Variants in CYP19A1 observed in about 807,000 individuals in gnomAD.
The protein encoded by CYP19A1 is aromatase.
In CYP19A1, 32 loss-of-function variants were observed where a neutral mutation model predicts 44.4. The ratio of observed to expected loss-of-function variants is 0.72; its 90% CI spans 0.54 to 0.97. CYP19A1 has a LOEUF of 0.97. CYP19A1 is among the 50% of genes least tolerant of loss of function. The probability of loss-of-function intolerance (pLI) is 0.00; values close to 1 mark genes in which losing one functional copy is unlikely to be tolerated. For synonymous variants in CYP19A1, 212 were observed against 215.6 expected (o/e 0.98, Z 0.14); for missense variants, 598 against 637.8 (o/e 0.94, Z 0.67).
At chr15:51,327,814 A>G (rs150879419) in intron 1 of CYP19A1, among the ~76,000 whole-genome samples, 140 of 152,352 alleles carry the variant, frequency 9.2e-4, no homozygotes, top group African/African-American at 3.2e-3. Context: ...TCCTTTTGTT[A>G]TGCTCAAATG....
intron 1 of CYP19A1, among the ~76,000 whole-genome samples, chr15:51,306,269 A>T (rs1008401745): frequency 2.6e-5 from 4 of 152,354 alleles, no homozygotes; most frequent in Non-Finnish European, 4.4e-5. Context: ...TTTGTGGTGC[A>T]TTCCCAGTTC....
At chr15:51,290,377 A>C (rs576534442) in intron 1 of CYP19A1, among the ~76,000 whole-genome samples, 2 of 152,324 alleles carry the variant, frequency 1.3e-5, no homozygotes, top group East Asian at 3.9e-4. Flanking sequence ...GTGGAAAAAG[A>C]ATGCCTTCTG....
chr15:51,220,080 T>C (rs2031938596), intron 5 of CYP19A1, among the ~76,000 whole-genome samples: 1 of 152,194 alleles, frequency 6.6e-6, no homozygotes, highest in African/African-American at 2.4e-5. Flanking sequence ...CCAGGTAGCA[T>C]GTGTTCCAGT....
chr15:51,282,952 A>G (rs2035576351), intron 1 of CYP19A1, among the ~76,000 whole-genome samples: 1 of 152,206 alleles, frequency 6.6e-6, no homozygotes, highest in Non-Finnish European at 1.5e-5. Flanking sequence ...TAGTACGGTA[A>G]AGGAGTTTTG....
intron 1 of CYP19A1, among the ~76,000 whole-genome samples, chr15:51,244,465 G>GT (rs200591248): frequency 0.011 from 1,684 of 147,550 alleles, 25 homozygotes; most frequent in Middle Eastern, 0.024. Flanking sequence ...TTTTGTGGTT[G>GT]TTTTTTTTTT....
At chr15:51,258,993 C>G (rs983203151) in intron 1 of CYP19A1, among the ~76,000 whole-genome samples, 1 of 152,158 alleles carries the variant, frequency 6.6e-6, no homozygotes, top group African/African-American at 2.4e-5. Context: ...TTGCCCCCAT[C>G]CCTCCACCAT....
chr15:51,309,869 G>A (rs929145858), intron 1 of CYP19A1, among the ~76,000 whole-genome samples: 1 of 152,164 alleles, frequency 6.6e-6, no homozygotes, highest in Non-Finnish European at 1.5e-5. Flanking sequence ...TCGCCCATGA[G>A]CTACTTGAGG....
At chr15:51,212,297 C>A in intron 9 of CYP19A1, 23 bp downstream of exon 9, 1 of 1,523,432 alleles carries the variant, frequency 6.6e-7, no homozygotes, top group South Asian at 1.1e-5. Context: ...GTGGCACACT[C>A]AGTTTTAAGG....
chr15:51,219,402 C>G (rs928120182), intron 5 of CYP19A1, among the ~76,000 whole-genome samples: 5 of 152,220 alleles, frequency 3.3e-5, no homozygotes, highest in African/African-American at 1.2e-4. Flanking sequence ...ATATTTCCAA[C>G]TGCTAAATAC....
chr15:51,327,293 T>C (rs1334755949), intron 1 of CYP19A1, among the ~76,000 whole-genome samples: 1 of 152,086 alleles, frequency 6.6e-6, no homozygotes, highest in Non-Finnish European at 1.5e-5. Context: ...CAGGGCTAAT[T>C]AAACTCCTGA....
At chr15:51,319,456 A>T (rs889692099) in intron 1 of CYP19A1, among the ~76,000 whole-genome samples, 1 of 152,210 alleles carries the variant, frequency 6.6e-6, no homozygotes, top group African/African-American at 2.4e-5. Flanking sequence ...TCTTATGAAC[A>T]ATTTCATGCA....
chr15:51,336,933 T>C (rs2036786506), intron 1 of CYP19A1, among the ~76,000 whole-genome samples: 1 of 149,726 alleles, frequency 6.7e-6, no homozygotes, highest in African/African-American at 2.5e-5. Context: ...TAATAATAAG[T>C]AAAAAGTAGC....
intron 5 of CYP19A1, chr15:51,221,465 A>G (rs1333254896): frequency 6.6e-6 from 1 of 152,212 alleles, no homozygotes; most frequent in Non-Finnish European, 1.5e-5. Context: ...AAAAAATGTA[A>G]CCCATAGAAA....
intron 5 of CYP19A1, chr15:51,222,000 G>T: frequency 2.3e-6 from 1 of 439,854 alleles, no homozygotes; most frequent in Non-Finnish European, 4.1e-6. Context: ...ATGCCCAAAA[G>T]AACAACTGGA....
At chr15:51,243,478 G>T (rs183433614) in intron 1 of CYP19A1, among the ~76,000 whole-genome samples, 1 of 152,206 alleles carries the variant, frequency 6.6e-6, no homozygotes, top group Non-Finnish European at 1.5e-5. Flanking sequence ...CATCGTTGAG[G>T]TCTTCTCAGA....
At position 51,305,190 on chromosome 15, in the gene CYP19A1, G is replaced by A. The variant is rs979688308; in HGVS notation, c.-39+33305C>T. Among the ~76,000 whole-genome samples, 17 of 151,970 alleles carry A rather than the reference G, an allele frequency of 1.1e-4. 1 individual carries two copies. Among genetic ancestry groups the A allele is most frequent in the Admixed American group, 1.0e-3 (16 of 15,266 alleles). On this transcript the variant is annotated intron_variant, in intron 1 of 9. Transcript: ENST00000396402. ...GCTGGGATCACAGGCGTGATCCATC[G>A]CGCCCGGCCACGTCTCTTCCTTTCA...
rs2031104770 is a variant in CYP19A1, at chr15:51,212,462, A to G, written c.1121T>C (p.Met374Thr). Residue 374 changes from methionine to threonine, a missense_variant, in exon 9 of 10, where the codon ATG becomes ACG. Coordinates refer to ENST00000396402, the MANE Select transcript of CYP19A1 (RefSeq NM_000103.4). ...TACATCATCTTCTAAGGCTTTGCGCATGACCAAGTCCACGACAGGCTGGTA... is the reference window on the plus strand; with the variant it reads ...TACATCATCTTCTAAGGCTTTGCGCGTGACCAAGTCCACGACAGGCTGGTA... ...MRYQPVVDLV[M>T]RKALEDDVID... 1 of 1,610,602 alleles carries G rather than the reference A, an allele frequency of 6.2e-7. No homozygotes were observed. The highest frequency in any genetic ancestry group is 8.5e-7 in the Non-Finnish European group (1 of 1,176,802).
rs189632535 is a variant in CYP19A1, at chr15:51,249,354, C to T, written c.-38-6404G>A. ...TCTTCCTCCTCCATGTTTCCCTGCT[C>T]ATCCAGTTCTGCCCCACTGGTTTCC... On this transcript the variant is annotated intron_variant, in intron 1 of 9. Transcript: ENST00000396402. 1.4e-4 allele frequency among the ~76,000 whole-genome samples: 22 copies of T among 152,318 alleles called. No individual in the cohort carries two copies. In the East Asian group the frequency reaches 4.2e-3, roughly 29 times the overall value.
At chr15:51,218,506 T>G (rs772200337) in intron 6 of CYP19A1, 35 bp downstream of exon 6, 4 of 1,593,712 alleles carry the variant, frequency 2.5e-6, no homozygotes, top group Non-Finnish European at 3.4e-6. Flanking sequence ...CCAATCCAAT[T>G]GTACTCATAA....
Sources: gnomAD v4.1 joint callset for allele counts (sites outside exome capture counted in the v4.1 genomes callset) on GRCh38, gnomAD v4.1.1 for gene constraint, MANE v1.5 for transcripts, NCBI Gene and HGNC (gene_info 2026-07-23, HGNC 2026-07-21) for gene names.